Variants in GALM observed in about 807,000 individuals in gnomAD.
The protein encoded by GALM is aldose 1-epimerase.
Under a neutral mutation model 37.4 loss-of-function variants are expected in GALM, and 43 were observed. That is an observed-to-expected ratio of 1.15 (90% CI 0.90 to 1.48). GALM has a LOEUF of 1.48. Ranked by LOEUF, GALM falls within the 40% of genes most tolerant of loss-of-function variation. The pLI is 0.00. For synonymous variants in GALM, 199 were observed against 170.6 expected (o/e 1.17, Z -1.30); for missense variants, 456 against 419.1 (o/e 1.09, Z -0.77).
intron 3 of GALM, among the ~76,000 whole-genome samples, chr2:38,689,206 C>G (rs1560524): frequency 0.99 from 151,391 of 152,346 alleles, 75,223 homozygotes; most frequent in East Asian, 1. Context: ...GCTGGAACTA[C>G]ACCCCAGGCC....
At chr2:38,670,356 G>GA (rs1472001612) in intron 1 of GALM, among the ~76,000 whole-genome samples, 2 of 152,060 alleles carry the variant, frequency 1.3e-5, no homozygotes, top group African/African-American at 4.8e-5. Context: ...AGGCATTAAG[G>GA]AAAAAATAGA....
At chr2:38,691,678 T>C (rs1261436359) in intron 4 of GALM, among the ~76,000 whole-genome samples, 2 of 150,442 alleles carry the variant, frequency 1.3e-5, no homozygotes, top group African/African-American at 4.9e-5. Context: ...CAAGACCCTA[T>C]CTCAAAAAAA....
intron 4 of GALM, among the ~76,000 whole-genome samples, chr2:38,724,517 G>A (rs1405249227): frequency 6.6e-6 from 1 of 152,120 alleles, no homozygotes; most frequent in Non-Finnish European, 1.5e-5. Context: ...CAGAGACATG[G>A]CGAATCTGGG....
At chr2:38,706,867 A>G (rs1291569204) in intron 4 of GALM, among the ~76,000 whole-genome samples, 2 of 140,982 alleles carry the variant, frequency 1.4e-5, no homozygotes, top group African/African-American at 5.5e-5. Flanking sequence ...CATCTCTTTA[A>G]AAAAAAAAGG....
chr2:38,715,336 C>T (rs950347420), intron 4 of GALM, among the ~76,000 whole-genome samples: 5 of 152,182 alleles, frequency 3.3e-5, no homozygotes, highest in African/African-American at 1.2e-4. Context: ...TATTTCAGTG[C>T]TTCAGTTGAG....
chr2:38,707,237 C>T (rs780324925), intron 4 of GALM, among the ~76,000 whole-genome samples: 22 of 151,962 alleles, frequency 1.4e-4, no homozygotes, highest in African/African-American at 2.4e-4. Flanking sequence ...ATGAGTGTGA[C>T]GTTAGAGAAA....
intron 4 of GALM, among the ~76,000 whole-genome samples, chr2:38,720,640 C>T (rs72795188): frequency 1.5e-3 from 236 of 152,266 alleles, no homozygotes; most frequent in Middle Eastern, 6.8e-3. Flanking sequence ...AGACAGGGCA[C>T]ATCTTGTCTC....
At chr2:38,682,086 C>G (rs1294348828) in intron 3 of GALM, among the ~76,000 whole-genome samples, 2 of 152,164 alleles carry the variant, frequency 1.3e-5, no homozygotes, top group Non-Finnish European at 2.9e-5. Flanking sequence ...GTTAGAAGCC[C>G]TTTATGAAGT....
chr2:38,716,356 A>G (rs1055059909), intron 4 of GALM, among the ~76,000 whole-genome samples: 8 of 152,222 alleles, frequency 5.3e-5, no homozygotes, highest in African/African-American at 1.9e-4. Context: ...CCACATTGCT[A>G]TGGGAGGAAT....
intron 4 of GALM, among the ~76,000 whole-genome samples, chr2:38,710,373 G>A (rs1295727747): frequency 6.6e-6 from 1 of 152,200 alleles, no homozygotes; most frequent in African/African-American, 2.4e-5. Context: ...GGGACAGGAT[G>A]CTTACTGTGC....
intron 4 of GALM, among the ~76,000 whole-genome samples, chr2:38,720,176 G>A (rs1387663788): frequency 2.6e-5 from 4 of 152,052 alleles, no homozygotes; most frequent in South Asian, 2.1e-4. Context: ...TCATGCCACC[G>A]CACTCCGCCT....
intron 4 of GALM, among the ~76,000 whole-genome samples, chr2:38,723,504 C>T (rs1222026210): frequency 6.6e-6 from 1 of 152,122 alleles, no homozygotes; most frequent in Non-Finnish European, 1.5e-5. Context: ...TAATAAAACT[C>T]CCGGCCAGGT....
rs75150586 is a variant in GALM, at chr2:38,724,939, T to C, written c.635-4617T>C. On this transcript the variant is annotated intron_variant, in intron 4 of 6. Transcript: ENST00000272252. ...GGTAACAGGAAAGAGACCTGATGTA[T>C]GCCCTCTGTCTTTCCTTCACAAAAA... Among the ~76,000 whole-genome samples the C allele has an allele frequency of 9.6e-3, 1,464 of 152,314 alleles. 32 individuals carry two copies. The highest frequency in any genetic ancestry group is 0.033 in the African/African-American group (1,377 of 41,566).
intron 4 of GALM, among the ~76,000 whole-genome samples, chr2:38,715,706 T>G (rs1666256483): frequency 1.3e-5 from 2 of 152,188 alleles, no homozygotes; most frequent in South Asian, 4.1e-4. Context: ...GTGCTGGGAT[T>G]ATAGGCGTGA....
intron 4 of GALM, among the ~76,000 whole-genome samples, chr2:38,699,609 G>A (rs2148442001): frequency 6.6e-6 from 1 of 152,202 alleles, no homozygotes; most frequent in East Asian, 1.9e-4. Context: ...CCTGAGGTCA[G>A]GAGTTCAAGA....
At chr2:38,675,154 AAC>A (rs1665212918) in intron 1 of GALM, among the ~76,000 whole-genome samples, 1 of 152,130 alleles carries the variant, frequency 6.6e-6, no homozygotes, top group Admixed American at 6.6e-5. Context: ...CAGCCTGGGC[AAC>A]AGAGTGAGAC....
intron 3 of GALM, among the ~76,000 whole-genome samples, chr2:38,689,223 C>T (rs2148435419): frequency 6.6e-6 from 1 of 152,330 alleles, no homozygotes; most frequent in East Asian, 1.9e-4. Flanking sequence ...GGCCTTCTGA[C>T]ACTGACCAGT....
At chr2:38,681,241 A>T (rs1459596158) in intron 2 of GALM, 39 bp from the exon 3 acceptor site, 1 of 1,465,110 alleles carries the variant, frequency 6.8e-7, no homozygotes. Flanking sequence ...TAGCTTGAGG[A>T]TGGAGCAACT....
chr2:38,710,711 A>G (rs1282825975), intron 4 of GALM, among the ~76,000 whole-genome samples: 1 of 143,088 alleles, frequency 7.0e-6, no homozygotes, highest in Non-Finnish European at 1.5e-5. Context: ...GGTCTTGGCT[A>G]TTTTTCTTAT....
Sources: gnomAD v4.1 joint callset for allele counts (sites outside exome capture counted in the v4.1 genomes callset) on GRCh38, gnomAD v4.1.1 for gene constraint, MANE v1.5 for transcripts, NCBI Gene and HGNC (gene_info 2026-07-23, HGNC 2026-07-21) for gene names.